Variants in HLA-F observed in about 807,000 individuals in gnomAD.
HLA-F encodes HLA class I histocompatibility antigen, alpha chain F.
A neutral mutation model predicts 49.5 loss-of-function variants in HLA-F; 46 were observed. The observed-to-expected ratio is 0.93, with a 90% CI of 0.73 to 1.19. The LOEUF (loss-of-function observed/expected upper bound fraction) is 1.19. Ranked by LOEUF, HLA-F falls within the 50% of genes most tolerant of loss-of-function variation. The pLI is 0.00. For missense variants in HLA-F, 496 were observed against 579.6 expected, an observed-to-expected ratio of 0.86 and a Z score of 1.48; for synonymous variants, 203 against 233.5, an observed-to-expected ratio of 0.87 and a Z score of 1.19.
chr6:29,736,861 C>T (rs9368609), intron 3 of HLA-F: 35,670 of 152,668 alleles, frequency 0.23, 4,213 homozygotes, highest in East Asian at 0.38. Context: ...GTCTACAAAT[C>T]GTGCTGCTAT....
At chr6:29,733,193 A>ACAAAAG (rs998290067) in intron 3 of HLA-F, among the ~76,000 whole-genome samples, 18 of 152,042 alleles carry the variant, frequency 1.2e-4, no homozygotes, top group Non-Finnish European at 2.4e-4. Context: ...TGTTTCAGAA[A>ACAAAAG]CAAAAACGAA....
chr6:29,737,218 CA>C (rs3030698), intron 3 of HLA-F, among the ~76,000 whole-genome samples: 2,930 of 65,088 alleles, frequency 0.045, 32 homozygotes, highest in South Asian at 0.12. Flanking sequence ...ATCCTCATGG[CA>C]AAAAAAAAAA....
downstream of HLA-F, among the ~76,000 whole-genome samples, chr6:29,729,819 T>A (rs568171186): frequency 7.4e-4 from 113 of 152,178 alleles, 1 homozygote; most frequent in South Asian, 4.6e-3. Context: ...ACAATCTCAT[T>A]CAAAAATGAG....
At chr6:29,731,278 T>TAGATAGATAGAG (rs1554229368), downstream of HLA-F, among the ~76,000 whole-genome samples, 403 of 151,154 alleles carry the variant, frequency 2.7e-3, 1 homozygote, top group Non-Finnish European at 3.2e-3. Flanking sequence ...GATAGATAGA[T>TAGATAGATAGAG]AGACAAGAGG....
intron 2 of HLA-F, 99 bp from the exon 3 acceptor site, chr6:29,724,074 T>C: frequency 6.4e-7 from 1 of 1,557,680 alleles, no homozygotes; most frequent in Admixed American, 1.9e-5. Context: ...CCCAGGCGCC[T>C]TTACCCAGGT....
intron 6 of HLA-F, 130 bp downstream of exon 6, chr6:29,726,173 C>A: frequency 2.9e-6 from 3 of 1,033,178 alleles, no homozygotes; most frequent in Non-Finnish European, 4.6e-6. Context: ...TTTTGTTCTA[C>A]CCCAATCACT....
At chr6:29,735,738 T>C (rs1181347401) in intron 3 of HLA-F, 1 of 152,202 alleles carries the variant, frequency 6.6e-6, no homozygotes. Flanking sequence ...AGTTATTCTT[T>C]AAATAGTCAT....
chr6:29,723,748 C>T lies in HLA-F; in HGVS notation c.155C>T (p.Thr52Met). The change falls in exon 2 of 7, where the codon ACG becomes ATG. Residue 52 changes from threonine to methionine, a missense_variant. Coordinates refer to ENST00000259951, the MANE Select transcript of HLA-F (RefSeq NM_001098479.2). The part of the protein sequence containing the change: ...RYIAVEYVDD[T>M]QFLRFDSDAA... Reference sequence around the variant, plus strand: ...ATCGCCGTGGAGTACGTAGACGACACGCAATTCCTGCGGTTCGACAGCGAC... The same window carrying T: ...ATCGCCGTGGAGTACGTAGACGACATGCAATTCCTGCGGTTCGACAGCGAC... The T allele has an allele frequency of 6.2e-7, 1 of 1,612,160 alleles. No homozygotes were observed. The highest frequency in any genetic ancestry group is 1.1e-5 in the South Asian group (1 of 90,986).
chr6:29,731,235 A>AGAT (rs1554229393), downstream of HLA-F, among the ~76,000 whole-genome samples: 714 of 48,862 alleles, frequency 0.015, 5 homozygotes, highest in African/African-American at 0.032. Context: ...ATGGATACAT[A>AGAT]GATAGATAGA....
chr6:29,723,910 A>G lies in HLA-F; in HGVS notation c.317A>G (p.Tyr106Cys), dbSNP rs199658940. The G allele has an allele frequency of 1.5e-4, 240 of 1,595,960 alleles. No homozygotes were observed. In the Admixed American group the frequency reaches 3.9e-3, roughly 26 times the overall value. The stretch of plus-strand genomic sequence containing the variant: ...GCCCTGAGGAACCTGCTCCGCCGCT[A>G]CAACCAGAGCGAGGCTGGTGAGTGA... The part of the protein sequence containing the change: ...RVALRNLLRR[Y>C]NQSEAGSHTL... The change falls in exon 2 of 7, where the codon TAC (tyrosine) becomes TGC (cysteine). Residue 106 changes from tyrosine to cysteine, a missense_variant. By Grantham distance (194) the Tyr-to-Cys change is radical. Coordinates refer to ENST00000259951, the MANE Select transcript of HLA-F (RefSeq NM_001098479.2).
At chr6:29,726,534 A>T in intron 6 of HLA-F, 1 of 1,521,088 alleles carries the variant, frequency 6.6e-7, no homozygotes, top group Non-Finnish European at 8.8e-7. Flanking sequence ...ATACAGGTAG[A>T]TATGTTTTTA....
At chr6:29,724,948 T>C in intron 3 of HLA-F, 83 bp from the exon 4 acceptor site, 1 of 1,490,428 alleles carries the variant, frequency 6.7e-7, no homozygotes, top group Non-Finnish European at 9.2e-7. Flanking sequence ...AGGTGTCCTG[T>C]CCATTCTCAG....
At chr6:29,723,598 G>A in intron 1 of HLA-F, 60 bp from the exon 2 acceptor site, 3 of 1,600,160 alleles carry the variant, frequency 1.9e-6, no homozygotes, top group Non-Finnish European at 2.6e-6. Flanking sequence ...GGGGGCGCAG[G>A]ACTCAGGGAG....
intron 3 of HLA-F, among the ~76,000 whole-genome samples, chr6:29,737,158 A>C (rs1165605979): frequency 6.8e-6 from 1 of 146,712 alleles, no homozygotes; most frequent in Admixed American, 7.0e-5. Context: ...AAAAGAAATA[A>C]CTAGTATTGA....
chr6:29,737,665 GT>G (rs1301778987), intron 3 of HLA-F: 1 of 152,142 alleles, frequency 6.6e-6, no homozygotes, highest in Non-Finnish European at 1.5e-5. Context: ...TACCCGTGGG[GT>G]TTTTTATGAC....
At position 29,726,943 on chromosome 6, in the gene HLA-F, G is replaced by C. The variant is rs746523064; in HGVS notation, c.1097G>C (p.Gly366Ala). ...ITWWSSLFLLGVLFQGYLGCL... is the reference protein window; with the variant it reads ...ITWWSSLFLLAVLFQGYLGCL... The stretch of plus-strand genomic sequence containing the variant: ...TGGTGGTCAAGCTTATTTCTCCTGG[G>C]GGTGCTCTTCCAAGGATATTTGGGC... The change falls in exon 7 of 7, where the codon GGG (glycine) becomes GCG (alanine). Residue 366 changes from glycine (G) to alanine (A), a missense_variant. Coordinates refer to ENST00000259951, the MANE Select transcript of HLA-F (RefSeq NM_001098479.2). 1 of 1,611,146 alleles carries C rather than the reference G, an allele frequency of 6.2e-7. No homozygotes were observed. The highest frequency in any genetic ancestry group is 1.7e-5 in the Admixed American group (1 of 60,024).
At chr6:29,724,078 C>A in intron 2 of HLA-F, 95 bp from the exon 3 acceptor site, 1 of 1,561,596 alleles carries the variant, frequency 6.4e-7, no homozygotes, top group Non-Finnish European at 8.7e-7. Flanking sequence ...GGCGCCTTTA[C>A]CCAGGTTCAT....
Position 29,725,267 on chromosome 6 carries a change from C to G in HLA-F, c.847C>G (p.Gln283Glu), listed in dbSNP as rs1775904494. The change falls in exon 4 of 7, where the codon CAG (glutamine) becomes GAG (glutamate). Residue 283 changes from glutamine (Q) to glutamate (E), a missense_variant. Coordinates refer to ENST00000259951, the MANE Select transcript of HLA-F (RefSeq NM_001098479.2). ...GEEQRYTCHV[Q>E]HEGLPQPLIL... is the part of the protein sequence containing the mutation. ...GGAACAGAGATACACATGCCATGTG[C>G]AGCACGAGGGGCTGCCCCAGCCCCT... The G allele has an allele frequency of 2.5e-6, 4 of 1,614,014 alleles. No individual in the cohort carries two copies. The African/African-American group carries it at 5.3e-5, about 22-fold the overall frequency.
In HLA-F at chr6:29,726,344, T is replaced by G. The variant is rs913969959; in HGVS notation, c.1036+301T>G. 1.0e-5 allele frequency: 16 copies of G among 1,570,566 alleles called. No homozygotes were observed. The African/African-American group carries it at 2.0e-4, about 20-fold the overall frequency. On this transcript the variant is annotated intron_variant, in intron 6 of 6. Coordinates refer to ENST00000259951, the MANE Select transcript of HLA-F (RefSeq NM_001098479.2). ...TGTCTTGAGCATGAAATGGGCTATTTAGAGTGTTACCTCTCACTGTGACTG... is the reference window on the plus strand; with the variant it reads ...TGTCTTGAGCATGAAATGGGCTATTGAGAGTGTTACCTCTCACTGTGACTG...
Sources: gnomAD v4.1 joint callset for allele counts (sites outside exome capture counted in the v4.1 genomes callset) on GRCh38, gnomAD v4.1.1 for gene constraint, MANE v1.5 for transcripts, NCBI Gene and HGNC (gene_info 2026-07-23, HGNC 2026-07-21) for gene names.